AP1S2: variants seen among roughly 807,000 people sequenced by gnomAD.
AP1S2 encodes the protein adaptor related protein complex 1 subunit sigma 2.
AP1S2 carries 1 observed loss-of-function variant against 14.3 expected under a neutral mutation model. The observed-to-expected ratio is 0.07, with a 90% CI of 0.02 to 0.33. AP1S2 has a LOEUF of 0.33. Ranked by LOEUF, AP1S2 falls within the 10% of genes least tolerant of loss-of-function variation. AP1S2 has a pLI of 0.99. For missense variants in AP1S2, 30 were observed against 117.7 expected (o/e 0.25, Z 3.45); for synonymous variants, 30 against 40.5 (o/e 0.74, Z 0.99).
chrX:15,835,949 A>AAAG (rs1933623967), intron 4 of AP1S2, among the ~76,000 whole-genome samples: 1 of 110,328 alleles, frequency 9.1e-6, no homozygotes, highest in African/African-American at 3.3e-5. Context: ...ACAAAAAATA[A>AAAG]AATAATAATA....
intron 4 of AP1S2, among the ~76,000 whole-genome samples, chrX:15,839,077 A>G (rs1220122150): frequency 8.9e-6 from 1 of 112,117 alleles, no homozygotes; most frequent in East Asian, 2.8e-4. Flanking sequence ...GTAAAATGAA[A>G]GGCAACATTT....
At chrX:15,835,968 A>G (rs1053474819) in intron 4 of AP1S2, among the ~76,000 whole-genome samples, 16 of 110,537 alleles carry the variant, frequency 1.4e-4, no homozygotes, top group Middle Eastern at 4.6e-3. Context: ...TAATAATAAT[A>G]TCCTGTTCCT....
chrX:15,854,693 C>T lies in AP1S2; in HGVS notation c.-6G>A. The T allele has an allele frequency of 1.3e-6, 1 of 761,497 alleles. No homozygotes were observed. Among genetic ancestry groups the T allele is most frequent in the South Asian group, 5.3e-5 (1 of 19,021 alleles). 62.8% of individuals were successfully genotyped at this position (761,497 alleles called of 1,213,427 possible). On this transcript the variant is annotated 5_prime_UTR_variant, in exon 1 of 6. Transcript: ENST00000672987. ...TTTCGCCCCCAGGGACTTACGGCGG[C>T]CGCGGGCCGCGGGCGCGGCGGAGCT...
Position 15,826,206 on chromosome X carries a change from A to G in AP1S2, c.*1119T>C. On this transcript the variant is annotated 3_prime_UTR_variant, in exon 6 of 6. Transcript: ENST00000672987. ...AAGTGAAAATATAAACCATGAAGAC[A>G]TGTTTAGATATGTATAAGTACTTAG... 1 of 112,582 alleles carries G rather than the reference A, an allele frequency of 8.9e-6. No homozygotes were observed. The highest frequency in any genetic ancestry group is 9.4e-5 in the Admixed American group (1 of 10,607). The allele number at this position is 112,582 out of a possible 1,213,427, so 9.3% of individuals were successfully genotyped here.
At chrX:15,852,231 T>C in intron 2 of AP1S2, 115 bp downstream of exon 2, 1 of 720,550 alleles carries the variant, frequency 1.4e-6, no homozygotes, top group Non-Finnish European at 2.0e-6. Context: ...CTTAAACCTA[T>C]TTCATCTAAA....
At chrX:15,829,227 CAA>C (rs1408358641) in intron 4 of AP1S2, among the ~76,000 whole-genome samples, 1 of 111,707 alleles carries the variant, frequency 9.0e-6, no homozygotes, top group Non-Finnish European at 1.9e-5. Context: ...ATGTAACACC[CAA>C]GAGTGATGTA....
At chrX:15,839,492 C>A (rs1933758986) in intron 4 of AP1S2, among the ~76,000 whole-genome samples, 1 of 100,787 alleles carries the variant, frequency 9.9e-6, no homozygotes, top group South Asian at 5.9e-4. Context: ...TTCCTTCCTT[C>A]CTTTCGGCAA....
Position 15,826,428 on chromosome X carries a change from A to G in AP1S2, c.*897T>C, listed in dbSNP as rs1933261284. 8.9e-6 allele frequency: 1 copy of G among 112,072 alleles called. No individual in the cohort carries two copies. The highest frequency in any genetic ancestry group is 1.9e-5 in the Non-Finnish European group (1 of 53,176). 9.2% of individuals were successfully genotyped at this position (112,072 alleles called of 1,213,427 possible). On this transcript the variant is annotated 3_prime_UTR_variant, in exon 6 of 6. Coordinates refer to ENST00000672987, the MANE Select transcript of AP1S2 (RefSeq NM_001272071.2). Reference sequence around the variant, plus strand: ...CTTCTAAGTGGAGGGAAGCAAAATAAATTTAGCTTTAACAAGTACCCCAGA... The same window carrying G: ...CTTCTAAGTGGAGGGAAGCAAAATAGATTTAGCTTTAACAAGTACCCCAGA...
intron 2 of AP1S2, among the ~76,000 whole-genome samples, chrX:15,847,034 T>C (rs1046203274): frequency 8.9e-6 from 1 of 111,900 alleles, no homozygotes; most frequent in Non-Finnish European, 1.9e-5. Context: ...AAACCTAAGA[T>C]AGGCTAAACA....
rs1204062397 is a variant in AP1S2 at position 15,826,253 on chromosome X, C to T, written c.*1072G>A. 8.9e-6 allele frequency: 1 copy of T among 112,337 alleles called. No individual in the cohort carries two copies. Among genetic ancestry groups the T allele is most frequent in the Non-Finnish European group, 1.9e-5 (1 of 53,254 alleles). The allele number at this position is 112,337 out of a possible 1,213,427, so 9.3% of individuals were successfully genotyped here. A position where few individuals can be genotyped will look rare whatever the true frequency, so the allele number is the denominator to read the frequency against. On this transcript the variant is annotated 3_prime_UTR_variant, in exon 6 of 6. Transcript: ENST00000672987. ...TTAGAAAAGTGACGCTGAACAATTA[C>T]ATAGCTTTAAAAAATATAGAGCCAT...
chrX:15,845,542 A>G (rs773966134), intron 3 of AP1S2, 26 bp from the exon 4 acceptor site: 1 of 1,197,814 alleles, frequency 8.3e-7, no homozygotes. Flanking sequence ...AAAAGAAAAA[A>G]GAAAAGAAAA....
chrX:15,841,583 GTTA>G (rs1933834360), intron 4 of AP1S2, among the ~76,000 whole-genome samples: 2 of 111,905 alleles, frequency 1.8e-5, no homozygotes, highest in South Asian at 7.3e-4. Context: ...GACCAAAAAA[GTTA>G]TTATAAATCC....
intron 4 of AP1S2, among the ~76,000 whole-genome samples, chrX:15,829,575 C>T (rs948363748): frequency 9.0e-6 from 1 of 111,624 alleles, no homozygotes; most frequent in Non-Finnish European, 1.9e-5. Context: ...AATATGTGTC[C>T]TTTCTAAAAG....
chrX:15,838,005 G>C (rs1370849156), intron 4 of AP1S2, among the ~76,000 whole-genome samples: 1 of 111,296 alleles, frequency 9.0e-6, no homozygotes, highest in Non-Finnish European at 1.9e-5. Flanking sequence ...TTTATACTGT[G>C]GTCTACATAT....
chrX:15,842,080 C>T (rs1933852269), intron 4 of AP1S2, among the ~76,000 whole-genome samples: 1 of 111,507 alleles, frequency 9.0e-6, no homozygotes, highest in Admixed American at 9.5e-5. Flanking sequence ...ACTGCTGAGC[C>T]CAGGGCCTCA....
chrX:15,846,135 C>A, intron 2 of AP1S2, 124 bp from the exon 3 acceptor site: 1 of 540,242 alleles, frequency 1.9e-6, no homozygotes, highest in Non-Finnish European at 3.1e-6. Flanking sequence ...CACGACAGTA[C>A]AGATTTTTCT....
intron 4 of AP1S2, chrX:15,832,622 AT>A: frequency 1.3e-6 from 1 of 760,181 alleles, no homozygotes; most frequent in Non-Finnish European, 1.6e-6. Flanking sequence ...AGAAGCTCTC[AT>A]TTTCATAGGG....
intron 2 of AP1S2, among the ~76,000 whole-genome samples, chrX:15,849,236 T>G (rs1275509587): frequency 8.9e-6 from 1 of 112,538 alleles, no homozygotes; most frequent in East Asian, 2.8e-4. Flanking sequence ...AAGGGGGAAT[T>G]TGTATGCCAA....
rs756994966 is a variant in AP1S2 at position 15,827,050 on chromosome X, C to T, written c.*275G>A. On this transcript the variant is annotated 3_prime_UTR_variant, in exon 6 of 6. Coordinates refer to ENST00000672987, the MANE Select transcript of AP1S2 (RefSeq NM_001272071.2). ...ATGATGTGCCATTTTCATATGTGCACATAATCAGATTAAGAGAAACTGACC... is the reference window on the plus strand; with the variant it reads ...ATGATGTGCCATTTTCATATGTGCATATAATCAGATTAAGAGAAACTGACC... The T allele has an allele frequency of 1.8e-4, 62 of 348,672 alleles. No individual in the cohort carries two copies. Among genetic ancestry groups the T allele is most frequent in the Non-Finnish European group, 3.1e-4 (61 of 198,126 alleles). 28.7% of individuals were successfully genotyped at this position (348,672 alleles called of 1,213,427 possible). A position where few individuals can be genotyped will look rare whatever the true frequency, so the allele number is the denominator to read the frequency against.
Sources: gnomAD v4.1 joint callset for allele counts (sites outside exome capture counted in the v4.1 genomes callset) on GRCh38, gnomAD v4.1.1 for gene constraint, MANE v1.5 for transcripts, NCBI Gene and HGNC (gene_info 2026-07-23, HGNC 2026-07-21) for gene names.